Variants in NAV3 observed in about 807,000 individuals in gnomAD.
NAV3 encodes the protein neuron navigator 3, also known as pore membrane and/or filament interacting like protein 1.
NAV3 carries 87 observed loss-of-function variants against 244.7 expected under a neutral mutation model. That is an observed-to-expected ratio of 0.36 (90% CI 0.30 to 0.42). The LOEUF (loss-of-function observed/expected upper bound fraction) is 0.42, where lower values mean the gene tolerates loss of function less well. Among genes scored for constraint, NAV3 ranks in the 20% least tolerant of loss-of-function variants. The pLI is 1.00. For synonymous variants in NAV3, 1,126 were observed against 1,042.2 expected (o/e 1.08, Z -1.55); for missense variants, 2,663 against 2,893.3 (o/e 0.92, Z 1.83).
At chr12:77,623,678 A>C (rs1565741508) in intron 2 of NAV3, among the ~76,000 whole-genome samples, 1 of 152,230 alleles carries the variant, frequency 6.6e-6, no homozygotes, top group South Asian at 2.1e-4. Context: ...GTTGTCTCGA[A>C]GAATACTAAA....
intron 2 of NAV3, among the ~76,000 whole-genome samples, chr12:77,766,737 T>TTGTTTTTTG (rs1483816667): frequency 5.4e-5 from 1 of 18,494 alleles, no homozygotes; most frequent in Non-Finnish European, 1.0e-4. Context: ...GCAATTAAGT[T>TTGTTTTTTG]TTTTTTTTTT....
intron 5 of NAV3, among the ~76,000 whole-genome samples, chr12:77,973,852 C>T (rs10160972): frequency 0.31 from 46,220 of 151,260 alleles, 7,333 homozygotes; most frequent in African/African-American, 0.41. Context: ...CATAGTGTGC[C>T]CTTTAAAAAA....
At chr12:77,750,997 G>T (rs1483381495) in intron 2 of NAV3, among the ~76,000 whole-genome samples, 1 of 152,144 alleles carries the variant, frequency 6.6e-6, no homozygotes, top group African/African-American at 2.4e-5. Flanking sequence ...ACAACTAACT[G>T]TGAGAATTTT....
chr12:77,661,870 T>A (rs1873465623), intron 2 of NAV3, among the ~76,000 whole-genome samples: 1 of 152,056 alleles, frequency 6.6e-6, no homozygotes, highest in African/African-American at 2.4e-5. Flanking sequence ...TATTTCTAGA[T>A]TTTGTATTTT....
chr12:77,593,272 A>C (rs937834989), intron 2 of NAV3, among the ~76,000 whole-genome samples: 71 of 45,632 alleles, frequency 1.6e-3, no homozygotes, highest in East Asian at 6.2e-3. Context: ...GAGTGTGTGT[A>C]TGTGTGTCTG....
chr12:77,763,494 G>T (rs751689349), intron 2 of NAV3, among the ~76,000 whole-genome samples: 3 of 152,134 alleles, frequency 2.0e-5, no homozygotes, highest in Non-Finnish European at 4.4e-5. Context: ...GTTAGGATAT[G>T]GGCAGGTGAG....
At chr12:77,630,529 A>G (rs1048028870) in intron 2 of NAV3, among the ~76,000 whole-genome samples, 5 of 152,188 alleles carry the variant, frequency 3.3e-5, no homozygotes, top group Admixed American at 1.3e-4. Flanking sequence ...GTAACAGAAT[A>G]AATCATGTGC....
At chr12:78,001,800 G>A (rs886354313) in intron 7 of NAV3, among the ~76,000 whole-genome samples, 1 of 152,196 alleles carries the variant, frequency 6.6e-6, no homozygotes, top group Non-Finnish European at 1.5e-5. Context: ...TGTCGAAGTG[G>A]AACGCGGAAA....
intron 2 of NAV3, among the ~76,000 whole-genome samples, chr12:77,658,757 A>G (rs1337173017): frequency 6.6e-6 from 1 of 151,964 alleles, no homozygotes; most frequent in Non-Finnish European, 1.5e-5. Flanking sequence ...GTAGCAAAAC[A>G]GAGATATAGA....
chr12:77,842,359 G>T (rs1033843168), intron 1 of NAV3, among the ~76,000 whole-genome samples: 3 of 151,894 alleles, frequency 2.0e-5, no homozygotes, highest in Non-Finnish European at 4.4e-5. Context: ...CATCCTGAAA[G>T]CAGGTCTCTC....
chr12:78,127,317 A>G, intron 17 of NAV3, 109 bp downstream of exon 17: 1 of 1,095,160 alleles, frequency 9.1e-7, no homozygotes, highest in Non-Finnish European at 1.4e-6. Flanking sequence ...GACATTGAGG[A>G]CGAAATCACT....
rs774118182 is a variant in NAV3 at position 78,175,288 on chromosome 12, C to G, written c.4982-18C>G. 6.2e-7 allele frequency: 1 copy of G among 1,608,734 alleles called. No individual in the cohort carries two copies. The highest frequency in any genetic ancestry group is 8.5e-7 in the Non-Finnish European group (1 of 1,176,768). ...AGACTCTTCATGAGCCGATGTGATA[C>G]TCTCCCTCTATTGCTAGATCTTCGC... On this transcript the variant is annotated intron_variant, in intron 24 of 39. Transcript: ENST00000397909.
At chr12:77,747,982 A>G (rs575094941) in intron 2 of NAV3, among the ~76,000 whole-genome samples, 5 of 152,328 alleles carry the variant, frequency 3.3e-5, no homozygotes, top group East Asian at 3.9e-4. Context: ...CTGTATACAT[A>G]TGTAACAAAC....
chr12:77,999,881 T>C (rs183017167), intron 7 of NAV3, among the ~76,000 whole-genome samples: 94 of 152,216 alleles, frequency 6.2e-4, no homozygotes, highest in South Asian at 1.7e-3. Context: ...GGGAAATTTC[T>C]AGGGGAAGCT....
At chr12:77,941,253 C>A in intron 3 of NAV3, 120 bp downstream of exon 3, 1 of 668,054 alleles carries the variant, frequency 1.5e-6, no homozygotes, top group Non-Finnish European at 2.5e-6. Flanking sequence ...CCATTTGATC[C>A]CATTCTCTCA....
In NAV3 at chr12:77,990,486, G is replaced by T. The variant is rs539384522; in HGVS notation, c.672-4317G>T. On this transcript the variant is annotated intron_variant, in intron 5 of 39. Transcript: ENST00000397909. ...TACTATCTAAGAGGCCTGATGGTCA[G>T]TTTCCTGAGAAAAGGAACTCAGATA... Among the ~76,000 whole-genome samples, 5 of 152,292 alleles carry T rather than the reference G, an allele frequency of 3.3e-5. No homozygotes were observed. In the East Asian group the frequency reaches 7.7e-4, roughly 23 times the overall value.
chr12:77,900,582 G>A (rs111272202), intron 1 of NAV3, among the ~76,000 whole-genome samples: 258 of 152,264 alleles, frequency 1.7e-3, no homozygotes, highest in African/African-American at 6.0e-3. Context: ...ATGTGTGTGT[G>A]TGTGTGTATT....
intron 9 of NAV3, among the ~76,000 whole-genome samples, chr12:78,038,117 A>C (rs943994702): frequency 1.3e-5 from 2 of 152,244 alleles, no homozygotes; most frequent in African/African-American, 4.8e-5. Flanking sequence ...CTAAATAAGA[A>C]GAGGTCAAGT....
At chr12:77,717,011 C>A (rs948230773) in intron 2 of NAV3, among the ~76,000 whole-genome samples, 1 of 151,988 alleles carries the variant, frequency 6.6e-6, no homozygotes, top group Non-Finnish European at 1.5e-5. Flanking sequence ...TCATGCTTTG[C>A]AGCTTGCTAA....
Sources: allele counts gnomAD v4.1 joint callset (sites outside exome capture counted in the v4.1 genomes callset), GRCh38; gene constraint gnomAD v4.1.1; transcripts MANE v1.5; gene names NCBI Gene and HGNC (gene_info 2026-07-23, HGNC 2026-07-21).